TMEM67: variants seen among roughly 807,000 people sequenced by gnomAD.
TMEM67 encodes transmembrane protein 67.
In TMEM67, 124 loss-of-function variants were observed where a neutral mutation model predicts 136.6. The observed-to-expected ratio is 0.91, with a 90% confidence interval of 0.78 to 1.05. The LOEUF (loss-of-function observed/expected upper bound fraction) is 1.05. Ranked by LOEUF, TMEM67 falls within the 50% of genes least tolerant of loss-of-function variation. The pLI is 0.00. For synonymous variants in TMEM67, 364 were observed against 390.5 expected, an observed-to-expected ratio of 0.93 and a Z score of 0.80; for missense variants, 1,107 against 1,178.4, an observed-to-expected ratio of 0.94 and a Z score of 0.89.
At chr8:93,825,786 G>A in the TMEM67 span, among the ~76,000 whole-genome samples, 10 of 152,294 alleles carry the variant, frequency 6.6e-5, no homozygotes, top group African/African-American at 2.2e-4. Context: ...CTGCATATGC[G>A]TTGTAGAAAT....
chr8:93,758,671 A>G, intron 3 of TMEM67, 95 bp downstream of exon 3: 3 of 1,057,042 alleles, frequency 2.8e-6, no homozygotes, highest in Non-Finnish European at 4.4e-6. Context: ...TAGTTAAGTG[A>G]TTACTTAATA....
In TMEM67 at chr8:93,765,715, A is replaced by G. The variant is rs564699410; in HGVS notation, c.651+69A>G. 211 of 1,021,694 alleles carry G rather than the reference A, an allele frequency of 2.1e-4. 1 individual carries two copies. The highest frequency in any genetic ancestry group is 8.7e-4 in the African/African-American group (55 of 63,460). 63.3% of individuals were successfully genotyped at this position (1,021,694 alleles called of 1,614,324 possible). A position where few individuals can be genotyped will look rare whatever the true frequency, so the allele number is the denominator to read the frequency against. On this transcript the variant is annotated intron_variant, in intron 6 of 27. Transcript: ENST00000453321. ...CTACATTTCATCCATTAGTAATTTC[A>G]GGCTAGAATGAGAAACCCTTTTGTG...
intron 10 of TMEM67, among the ~76,000 whole-genome samples, 179 bp downstream of exon 10, chr8:93,781,923 T>C (rs1026046348): frequency 6.7e-6 from 1 of 148,810 alleles, no homozygotes; most frequent in African/African-American, 2.5e-5. Flanking sequence ...TTGTTTGTTT[T>C]TTCTTTTTTT....
intron 23 of TMEM67, among the ~76,000 whole-genome samples, chr8:93,807,684 G>GA (rs1021947666): frequency 1.3e-5 from 2 of 151,624 alleles, no homozygotes; most frequent in East Asian, 3.9e-4. Flanking sequence ...TTTTAATCAA[G>GA]AAAAAAATTT....
At chr8:93,793,472 A>G (rs1814476573) in intron 16 of TMEM67, among the ~76,000 whole-genome samples, 176 bp downstream of exon 16, 1 of 152,180 alleles carries the variant, frequency 6.6e-6, no homozygotes, top group Non-Finnish European at 1.5e-5. Context: ...TCTTCCCACC[A>G]TACTGTATGC....
At chr8:93,820,394 C>T (rs542977830), downstream of TMEM67, among the ~76,000 whole-genome samples, 4 of 152,306 alleles carry the variant, frequency 2.6e-5, no homozygotes, top group South Asian at 4.1e-4. Context: ...ATCTCCATCA[C>T]GTGCATGGAG....
intron 13 of TMEM67, 133 bp from the exon 14 acceptor site, chr8:93,787,711 C>A: frequency 1.4e-6 from 1 of 724,558 alleles, no homozygotes; most frequent in Non-Finnish European, 2.4e-6. Flanking sequence ...TGTAACCTTC[C>A]TTAGTCCTTG....
chr8:93,777,681 C>G lies in TMEM67; in HGVS notation c.715-2912C>G, dbSNP rs543554716. 9.2e-5 allele frequency among the ~76,000 whole-genome samples: 14 copies of G among 152,210 alleles called. No homozygotes were observed. The South Asian group carries it at 2.9e-3, about 32-fold the overall frequency. ...TGTGGTTTTGAGTGAGTTTCTTAAC[C>G]CTGAGTTCTAATTTGATTGCACTGT... On this transcript the variant is annotated intron_variant, in intron 7 of 27. Transcript: ENST00000453321.
the TMEM67 span, among the ~76,000 whole-genome samples, chr8:93,827,764 CTT>C: frequency 1.4e-5 from 2 of 141,812 alleles, no homozygotes; most frequent in Admixed American, 7.1e-5. Flanking sequence ...GGCTTCCCTT[CTT>C]TTTTTTTTTT....
intron 23 of TMEM67, among the ~76,000 whole-genome samples, chr8:93,805,941 C>G (rs1028559450): frequency 6.6e-6 from 1 of 152,122 alleles, no homozygotes; most frequent in Non-Finnish European, 1.5e-5. Context: ...TGCCATGATG[C>G]AGTAGGAAGT....
intron 4 of TMEM67, 64 bp from the exon 5 acceptor site, chr8:93,765,342 C>A: frequency 1.5e-6 from 2 of 1,317,156 alleles, no homozygotes; most frequent in African/African-American, 1.5e-5. Context: ...AGAAAGACAG[C>A]TTTTCTATTA....
chr8:93,781,940 A>G (rs1376654339), intron 10 of TMEM67, among the ~76,000 whole-genome samples, 196 bp downstream of exon 10: 3 of 149,382 alleles, frequency 2.0e-5, no homozygotes, highest in Non-Finnish European at 4.4e-5. Flanking sequence ...TTTTTTTGAG[A>G]TGGAGTCTCG....
rs759627051 is a variant in TMEM67, at chr8:93,767,176, A to G, written c.651+1530A>G. On this transcript the variant is annotated intron_variant, in intron 6 of 27. Coordinates refer to ENST00000453321, the MANE Select transcript of TMEM67 (RefSeq NM_153704.6). ...AGTTTTGAATATTACAGGCCTTACCATCCTACAGATACTTTCCTCACACTT... is the reference window on the plus strand; with the variant it reads ...AGTTTTGAATATTACAGGCCTTACCGTCCTACAGATACTTTCCTCACACTT... Among the ~76,000 whole-genome samples, 23 of 152,166 alleles carry G rather than the reference A, an allele frequency of 1.5e-4. 1 individual carries two copies. The highest frequency in any genetic ancestry group is 3.9e-4 in the Admixed American group (6 of 15,280).
At chr8:93,785,618 A>T (rs1479797528) in intron 12 of TMEM67, 3 of 404,276 alleles carry the variant, frequency 7.4e-6, no homozygotes, top group African/African-American at 4.1e-5. Flanking sequence ...ATATCCTGAG[A>T]AACATTAGTA....
chr8:93,757,731 T>G (rs1376288478), intron 2 of TMEM67, among the ~76,000 whole-genome samples: 1 of 152,130 alleles, frequency 6.6e-6, no homozygotes, highest in Non-Finnish European at 1.5e-5. Context: ...AATTTATATA[T>G]TTCATAAAAT....
Position 93,815,373 on chromosome 8 carries a change from C to T in TMEM67, c.2833C>T (p.Leu945=), listed in dbSNP as rs1808866444. 1 of 1,612,158 alleles carries T rather than the reference C, an allele frequency of 6.2e-7. No homozygotes were observed. Among genetic ancestry groups the T allele is most frequent in the East Asian group, 2.2e-5 (1 of 44,778 alleles). Residue 945 remains leucine (L), a synonymous_variant, in exon 27 of 28, where the codon CTG becomes TTG. Transcript: ENST00000453321. ...AGCTACTCTTCTTATTTTTGATCTG[C>T]TGTTCTTCTGTGTTGTGGATTTGGC... ...NEATLLIFDL[L]FFCVVDLACQ... is the part of the protein sequence containing the mutation.
Position 93,754,899 on chromosome 8 carries a change from T to G in TMEM67, c.-16T>G. The stretch of plus-strand genomic sequence containing the variant: ...GATGGGGGGCTGGAGGCTGTGAGGC[T>G]TCCAGCGTCGGTACCATGGCGACGC... On this transcript the variant is annotated 5_prime_UTR_variant, in exon 1 of 28. Transcript: ENST00000453321. The G allele has an allele frequency of 6.2e-7, 1 of 1,611,068 alleles. No individual in the cohort carries two copies. Among genetic ancestry groups the G allele is most frequent in the Non-Finnish European group, 8.5e-7 (1 of 1,178,110 alleles).
At chr8:93,754,893 T>C (rs781201226), upstream of TMEM67, 3 of 1,606,342 alleles carry the variant, frequency 1.9e-6, no homozygotes, top group South Asian at 1.1e-5. Flanking sequence ...CTGGAGGCTG[T>C]GAGGCTTCCA....
At chr8:93,803,777 G>C in intron 22 of TMEM67, 93 bp downstream of exon 22, 1 of 816,568 alleles carries the variant, frequency 1.2e-6, no homozygotes, top group Admixed American at 1.9e-5. Context: ...GATTTGGTAT[G>C]ATTGAATTTT....
Sources: allele counts gnomAD v4.1 joint callset (sites outside exome capture counted in the v4.1 genomes callset), GRCh38; gene constraint gnomAD v4.1.1; transcripts MANE v1.5; gene names NCBI Gene and HGNC (gene_info 2026-07-23, HGNC 2026-07-21).